RUFY2: variants seen among roughly 807,000 people sequenced by gnomAD.
The protein encoded by RUFY2 is RUN and FYVE domain-containing protein 2.
RUFY2 carries 49 observed loss-of-function variants against 94.4 expected under a neutral mutation model. The ratio of observed to expected loss-of-function variants is 0.52; its 90% CI spans 0.41 to 0.66. RUFY2 has a LOEUF of 0.66. Among genes scored for constraint, RUFY2 ranks in the 30% least tolerant of loss-of-function variants. The pLI is 0.00. For missense variants in RUFY2, 541 were observed against 692.8 expected (o/e 0.78, Z 2.46); for synonymous variants, 255 against 235.7 (o/e 1.08, Z -0.75).
At chr10:68,398,887 A>C (rs2050601067) in intron 3 of RUFY2, among the ~76,000 whole-genome samples, 1 of 152,146 alleles carries the variant, frequency 6.6e-6, no homozygotes, top group Non-Finnish European at 1.5e-5. Flanking sequence ...CTTTTTAACA[A>C]AATATGAATA....
Position 68,396,876 on chromosome 10 carries a change from G to C in RUFY2, c.302C>G (p.Pro101Arg). 1 of 1,612,898 alleles carries C rather than the reference G, an allele frequency of 6.2e-7. No individual in the cohort carries two copies. Among genetic ancestry groups the C allele is most frequent in the Non-Finnish European group, 8.5e-7 (1 of 1,179,106 alleles). ...AAGCCACGCTCTTGCTCGACCCAGA[G>C]GGGTCCTAAAGAGAAGAACCAATTG... ...SVRDLPGLKT[P>R]LGRARAWLRL... The change falls in exon 4 of 18, where the codon CCT (proline) becomes CGT (arginine). Residue 101 changes from proline (P) to arginine (R), a missense_variant. Transcript: ENST00000602465.
At chr10:68,365,195 G>C (rs2047720560) in intron 13 of RUFY2, among the ~76,000 whole-genome samples, 1 of 152,118 alleles carries the variant, frequency 6.6e-6, no homozygotes, top group Non-Finnish European at 1.5e-5. Context: ...AAGAGTACCT[G>C]AAAATGGAAT....
intron 13 of RUFY2, among the ~76,000 whole-genome samples, chr10:68,368,546 C>G (rs1330932602): frequency 6.6e-6 from 1 of 151,862 alleles, no homozygotes; most frequent in Non-Finnish European, 1.5e-5. Flanking sequence ...GTAATCCCAT[C>G]TACTTGGGAG....
intron 6 of RUFY2, among the ~76,000 whole-genome samples, chr10:68,393,460 G>T (rs1162110838): frequency 6.6e-6 from 1 of 152,046 alleles, no homozygotes; most frequent in Non-Finnish European, 1.5e-5. Flanking sequence ...GGGCACAGTG[G>T]CTCATTCCTG....
chr10:68,373,615 T>G (rs866708085), intron 13 of RUFY2, among the ~76,000 whole-genome samples: 2 of 151,364 alleles, frequency 1.3e-5, no homozygotes, highest in African/African-American at 4.9e-5. Context: ...AAAAAAAAAA[T>G]TGTTTTATTA....
At chr10:68,388,033 G>C (rs1207627859) in intron 7 of RUFY2, among the ~76,000 whole-genome samples, 4 of 151,970 alleles carry the variant, frequency 2.6e-5, no homozygotes, top group Admixed American at 1.3e-4. Flanking sequence ...AAAGAAAGTT[G>C]CAAAACCTTC....
chr10:68,361,463 T>C (rs1270725118), intron 15 of RUFY2, among the ~76,000 whole-genome samples: 1 of 152,186 alleles, frequency 6.6e-6, no homozygotes, highest in African/African-American at 2.4e-5. Context: ...TGGCACATAG[T>C]AGAAGCTCAA....
At chr10:68,364,221 A>G in intron 13 of RUFY2, 108 bp from the exon 14 acceptor site, 1 of 1,046,326 alleles carries the variant, frequency 9.6e-7, no homozygotes, top group Non-Finnish European at 1.3e-6. Context: ...GGCCTTTGTA[A>G]TGCATTTTTC....
chr10:68,347,526 C>T lies in RUFY2; in HGVS notation c.1600-1442G>A, dbSNP rs543130497. Among the ~76,000 whole-genome samples, 9 of 152,110 alleles carry T rather than the reference C, an allele frequency of 5.9e-5. No individual in the cohort carries two copies. The South Asian group carries it at 1.9e-3, about 32-fold the overall frequency. ...CTCAAACTCCTGACCTCAGGTGATC[C>T]GCCCACTTCGGCCTCCCAAAGTGCT... is the stretch of plus-strand genomic sequence containing the variant. On this transcript the variant is annotated intron_variant, in intron 16 of 17. Coordinates refer to ENST00000602465, the MANE Select transcript of RUFY2 (RefSeq NM_001330103.2).
intron 12 of RUFY2, chr10:68,378,488 G>A: frequency 2.9e-6 from 4 of 1,372,994 alleles, no homozygotes; most frequent in Non-Finnish European, 3.8e-6. Context: ...ATAGCATTTA[G>A]ATTCCTTTCT....
At chr10:68,363,832 T>A in intron 14 of RUFY2, 148 bp from the exon 15 acceptor site, 3 of 815,582 alleles carry the variant, frequency 3.7e-6, no homozygotes. Flanking sequence ...AGCTGCTGTA[T>A]CAACTATTTT....
At chr10:68,403,559 G>T (rs2051029402) in intron 2 of RUFY2, among the ~76,000 whole-genome samples, 1 of 152,114 alleles carries the variant, frequency 6.6e-6, no homozygotes, top group African/African-American at 2.4e-5. Flanking sequence ...GAGGTTAATA[G>T]AAGAGAATGA....
intron 13 of RUFY2, among the ~76,000 whole-genome samples, chr10:68,373,037 C>A (rs181428165): frequency 6.6e-6 from 1 of 152,152 alleles, no homozygotes; most frequent in East Asian, 1.9e-4. Context: ...TTTATGGTTG[C>A]ACATATTACA....
chr10:68,370,320 C>T (rs2048170810), intron 13 of RUFY2, among the ~76,000 whole-genome samples: 1 of 152,106 alleles, frequency 6.6e-6, no homozygotes, highest in South Asian at 2.1e-4. Flanking sequence ...CAGTCTATCC[C>T]TGGATCTAAG....
rs747709639 is a variant in RUFY2, at chr10:68,394,433, G to A, written c.417C>T (p.His139=). Residue 139 remains histidine (H), a synonymous_variant, in exon 5 of 18, where the codon CAC becomes CAT. Coordinates refer to ENST00000602465, the MANE Select transcript of RUFY2 (RefSeq NM_001330103.2). The part of the protein sequence containing the change: ...RDLLSEFYEY[H]ALMMEEEGAV... ...CTCCTTCTTCTTCCATCATTAGTGC[G>A]TGATACTCATAAAACTCACTGTGAA... is the stretch of plus-strand genomic sequence containing the variant. 12 of 1,611,842 alleles carry A rather than the reference G, an allele frequency of 7.4e-6. No individual in the cohort carries two copies. The highest frequency in any genetic ancestry group is 2.2e-5 in the East Asian group (1 of 44,830).
At chr10:68,377,994 G>A in intron 12 of RUFY2, 1 of 985,284 alleles carries the variant, frequency 1.0e-6, no homozygotes. Context: ...GCTGGGATTG[G>A]ACCCAAGCTT....
intron 15 of RUFY2, among the ~76,000 whole-genome samples, chr10:68,359,727 G>A (rs1334874207): frequency 6.7e-6 from 1 of 150,052 alleles, no homozygotes; most frequent in African/African-American, 2.4e-5. Flanking sequence ...GGGAGGTGGA[G>A]GTTGCAGTGA....
At chr10:68,343,185 G>GAGAT (rs1166488175), downstream of RUFY2, 4 of 152,178 alleles carry the variant, frequency 2.6e-5, no homozygotes, top group African/African-American at 9.7e-5. Flanking sequence ...GTCATTGTGG[G>GAGAT]AGATAATAGT....
intron 13 of RUFY2, among the ~76,000 whole-genome samples, chr10:68,371,131 CAAA>C (rs58880698): frequency 5.1e-5 from 3 of 59,172 alleles, no homozygotes; most frequent in Admixed American, 1.8e-4. Flanking sequence ...GGCTCTGTCT[CAAA>C]AAAAAAAAAA....
Sources: allele counts gnomAD v4.1 joint callset (sites outside exome capture counted in the v4.1 genomes callset), GRCh38; gene constraint gnomAD v4.1.1; transcripts MANE v1.5; gene names NCBI Gene and HGNC (gene_info 2026-07-23, HGNC 2026-07-21).